SPESP1: variants seen among roughly 807,000 people sequenced by gnomAD.
SPESP1 encodes the protein sperm equatorial segment protein 1.
In SPESP1, 1 loss-of-function variant was observed where a neutral mutation model predicts 3.1. That is an observed-to-expected ratio of 0.33 (90% confidence interval 0.12 to 1.54). SPESP1 has a LOEUF of 1.54. Among genes scored for constraint, SPESP1 ranks in the 40% most tolerant of loss-of-function variants. The pLI is 0.38. For missense variants in SPESP1, 398 were observed against 410.1 expected (o/e 0.97, Z 0.26); for synonymous variants, 138 against 150.7 (o/e 0.92, Z 0.62).
intron 1 of SPESP1, among the ~76,000 whole-genome samples, chr15:68,936,578 G>A (rs1307319128): frequency 6.6e-6 from 1 of 152,148 alleles, no homozygotes; most frequent in Non-Finnish European, 1.5e-5. Flanking sequence ...TATGGGAAAT[G>A]GATTTTACTG....
At position 68,932,152 on chromosome 15, in the gene SPESP1, A is replaced by G. The variant is rs193045066; in HGVS notation, c.64+1435A>G. Among the ~76,000 whole-genome samples, 90 of 152,292 alleles carry G rather than the reference A, an allele frequency of 5.9e-4. 1 individual carries two copies. The highest frequency in any genetic ancestry group is 5.8e-4 in the East Asian group (3 of 5,188). On this transcript the variant is annotated intron_variant, in intron 1 of 1. Coordinates refer to ENST00000310673, the MANE Select transcript of SPESP1 (RefSeq NM_145658.4). ...ACCAGAACATAATGAAGATGCTACT[A>G]TCTTTTCTTGATGTCTGATGATCAT... is the stretch of plus-strand genomic sequence containing the variant.
Position 68,945,616 on chromosome 15 carries a change from G to A in SPESP1, c.82G>A (p.Asp28Asn), listed in dbSNP as rs750080037. 2 of 1,576,464 alleles carry A rather than the reference G, an allele frequency of 1.3e-6. No individual in the cohort carries two copies. The highest frequency in any genetic ancestry group is 1.4e-5 in the African/African-American group (1 of 73,076). Residue 28 changes from aspartate to asparagine, a missense_variant, in exon 2 of 2, where the codon GAT (aspartate) becomes AAT (asparagine). By Grantham distance (23) the Asp-to-Asn change is conservative. Coordinates refer to ENST00000310673, the MANE Select transcript of SPESP1 (RefSeq NM_145658.4). ...CCCTGAAGGCATAACTGTGACACCT[G>A]ATGAAGAGCAAAACTTGAATCATTA... ...PAYPSITVTP[D>N]EEQNLNHYIQ...
In SPESP1 at chr15:68,930,563, C is replaced by T; in HGVS notation, c.-91C>T. ...CCAGGGCCTGAGGCAGGACGGTACT[C>T]CGCTGACACCTTCCCTTTCGGCCTT... On this transcript the variant is annotated 5_prime_UTR_variant, in exon 1 of 2. Coordinates refer to ENST00000310673, the MANE Select transcript of SPESP1 (RefSeq NM_145658.4). 4 of 1,557,758 alleles carry T rather than the reference C, an allele frequency of 2.6e-6. No individual in the cohort carries two copies. Among genetic ancestry groups the T allele is most frequent in the Non-Finnish European group, 3.5e-6 (4 of 1,134,476 alleles).
At chr15:68,935,383 T>C (rs1029853747) in intron 1 of SPESP1, among the ~76,000 whole-genome samples, 8 of 152,338 alleles carry the variant, frequency 5.3e-5, no homozygotes, top group South Asian at 2.1e-4. Flanking sequence ...CTCATGCAGC[T>C]GCATTCAGCT....
intron 1 of SPESP1, chr15:68,939,797 A>G (rs899987075): frequency 4.6e-5 from 7 of 152,190 alleles, no homozygotes; most frequent in African/African-American, 1.7e-4. Flanking sequence ...ATCAGCTAGT[A>G]GTAAGTATCT....
intron 1 of SPESP1, among the ~76,000 whole-genome samples, chr15:68,943,615 C>A (rs1328612520): frequency 6.6e-6 from 1 of 152,124 alleles, no homozygotes; most frequent in Admixed American, 6.6e-5. Flanking sequence ...CCACCTCAAG[C>A]AGCCACCCCC....
At chr15:68,932,428 T>G (rs35363871) in intron 1 of SPESP1, among the ~76,000 whole-genome samples, 2 of 146,204 alleles carry the variant, frequency 1.4e-5, no homozygotes, top group African/African-American at 5.1e-5. Context: ...TCTCACTCTC[T>G]AGCTCAGACT....
At chr15:68,938,908 A>G (rs939028337) in intron 1 of SPESP1, among the ~76,000 whole-genome samples, 3 of 152,190 alleles carry the variant, frequency 2.0e-5, no homozygotes, top group African/African-American at 7.2e-5. Context: ...TGCCTGGCAC[A>G]TAGTGATCAT....
At chr15:68,941,303 G>A (rs1311147739) in intron 1 of SPESP1, among the ~76,000 whole-genome samples, 30 of 152,106 alleles carry the variant, frequency 2.0e-4, no homozygotes, top group Non-Finnish European at 7.4e-5. Flanking sequence ...TGATATTTAT[G>A]TCTTTCAAAA....
At chr15:68,943,256 A>G (rs1349269858) in intron 1 of SPESP1, among the ~76,000 whole-genome samples, 1 of 152,216 alleles carries the variant, frequency 6.6e-6, no homozygotes, top group Non-Finnish European at 1.5e-5. Context: ...GTTCACAGAC[A>G]AAATATATGA....
At chr15:68,936,970 T>C (rs978288002) in intron 1 of SPESP1, among the ~76,000 whole-genome samples, 1 of 152,184 alleles carries the variant, frequency 6.6e-6, no homozygotes, top group Admixed American at 6.5e-5. Flanking sequence ...CTGTGTCTTT[T>C]ATTATAAAAA....
chr15:68,942,905 C>T (rs1347227605), intron 1 of SPESP1, among the ~76,000 whole-genome samples: 1 of 130,954 alleles, frequency 7.6e-6, no homozygotes, highest in Non-Finnish European at 1.6e-5. Flanking sequence ...TTCATGAAGA[C>T]TCTGATTCAG....
chr15:68,937,739 A>G (rs1173404757), intron 1 of SPESP1, among the ~76,000 whole-genome samples: 1 of 152,188 alleles, frequency 6.6e-6, no homozygotes, highest in African/African-American at 2.4e-5. Context: ...TAAGGAAGTA[A>G]CATATACACA....
At chr15:68,945,507 C>T in intron 1 of SPESP1, 92 bp from the exon 2 acceptor site, 1 of 988,100 alleles carries the variant, frequency 1.0e-6, no homozygotes, top group Non-Finnish European at 1.4e-6. Context: ...TAAGTGATAG[C>T]ATATGAAATA....
intron 1 of SPESP1, among the ~76,000 whole-genome samples, chr15:68,942,418 A>G (rs888186631): frequency 1.3e-5 from 2 of 152,068 alleles, no homozygotes; most frequent in African/African-American, 2.4e-5. Context: ...TATGTCTCCA[A>G]TTATTTTCCC....
chr15:68,942,559 A>G (rs1170288515), intron 1 of SPESP1, among the ~76,000 whole-genome samples: 1 of 152,174 alleles, frequency 6.6e-6, no homozygotes, highest in African/African-American at 2.4e-5. Flanking sequence ...AATAAGATAC[A>G]AAGTATATTT....
chr15:68,940,493 A>G (rs1399461534), intron 1 of SPESP1, among the ~76,000 whole-genome samples: 1 of 152,188 alleles, frequency 6.6e-6, no homozygotes, highest in Non-Finnish European at 1.5e-5. Flanking sequence ...GTTTGATAGA[A>G]TCAGAATTCA....
intron 1 of SPESP1, among the ~76,000 whole-genome samples, chr15:68,940,366 A>T (rs1895787256): frequency 6.6e-6 from 1 of 152,200 alleles, no homozygotes; most frequent in Non-Finnish European, 1.5e-5. Context: ...AGCATGAAGC[A>T]CTAAAATATA....
At chr15:68,942,805 C>T (rs1306353849) in intron 1 of SPESP1, among the ~76,000 whole-genome samples, 1 of 152,100 alleles carries the variant, frequency 6.6e-6, no homozygotes, top group Non-Finnish European at 1.5e-5. Context: ...TACCTAAGGT[C>T]ATGCTGCTAT....
Sources: gnomAD v4.1 joint callset for allele counts (sites outside exome capture counted in the v4.1 genomes callset) on GRCh38, gnomAD v4.1.1 for gene constraint, MANE v1.5 for transcripts, NCBI Gene and HGNC (gene_info 2026-07-23, HGNC 2026-07-21) for gene names.